Variants in ITGAE observed in about 807,000 individuals in gnomAD.
ITGAE encodes integrin alpha-E.
A neutral mutation model predicts 136.5 loss-of-function variants in ITGAE; 99 were observed. That is an observed-to-expected ratio of 0.73 (90% CI 0.62 to 0.86). The LOEUF (loss-of-function observed/expected upper bound fraction) is 0.86. Among genes scored for constraint, ITGAE ranks in the 40% least tolerant of loss-of-function variants. The probability of loss-of-function intolerance (pLI) is 0.00; values close to 1 mark genes in which losing one functional copy is unlikely to be tolerated. For missense variants in ITGAE, 1,447 were observed against 1,515.3 expected, an observed-to-expected ratio of 0.95 and a Z score of 0.75; for synonymous variants, 613 against 591.8, an observed-to-expected ratio of 1.04 and a Z score of -0.52.
chr17:3,758,576 C>A (rs949806789), intron 8 of ITGAE, among the ~76,000 whole-genome samples: 8 of 152,054 alleles, frequency 5.3e-5, no homozygotes, highest in Admixed American at 5.2e-4. Context: ...CCTCAGCCTC[C>A]CGAGTAGCTG....
rs2053170794 is a variant in ITGAE, at chr17:3,798,304, G to C, written c.34+2807C>G. Among the ~76,000 whole-genome samples the C allele has an allele frequency of 6.6e-6, 1 of 152,154 alleles. No homozygotes were observed. Among genetic ancestry groups the C allele is most frequent in the Non-Finnish European group, 1.5e-5 (1 of 68,012 alleles). ...TCTTCACACAGGGGCTGGGATAGGG[G>C]TGGCCTCGCCTCTGCCCGCACCTCC... is the stretch of plus-strand genomic sequence containing the variant. On this transcript the variant is annotated intron_variant, in intron 1 of 30. Transcript: ENST00000263087. The surrounding 1 kb of genome is among the most constrained non-coding windows in gnomAD (Gnocchi z 4.3).
In ITGAE at chr17:3,759,582, G is replaced by T. The variant is rs566430102; in HGVS notation, c.715-29C>A. On this transcript the variant is annotated intron_variant, in intron 7 of 30. Coordinates refer to ENST00000263087, the MANE Select transcript of ITGAE (RefSeq NM_002208.5). Reference sequence around the variant, plus strand: ...CAGGGGATGGGCAGGAGGGCAGGAGGTTGGAAGAATTGCCACCTCTGCCCC... The same window carrying T: ...CAGGGGATGGGCAGGAGGGCAGGAGTTTGGAAGAATTGCCACCTCTGCCCC... 9.4e-6 allele frequency: 15 copies of T among 1,595,192 alleles called. No individual in the cohort carries two copies. The East Asian group carries it at 2.9e-4, about 31-fold the overall frequency.
At chr17:3,741,615 A>G (rs2051590828) in intron 19 of ITGAE, among the ~76,000 whole-genome samples, 1 of 152,194 alleles carries the variant, frequency 6.6e-6, no homozygotes, top group Non-Finnish European at 1.5e-5. Flanking sequence ...AAAGACACAT[A>G]AAGAGATGTT....
chr17:3,737,919 A>C (rs138577538), intron 20 of ITGAE, among the ~76,000 whole-genome samples: 205 of 152,320 alleles, frequency 1.3e-3, no homozygotes, highest in African/African-American at 4.7e-3. Flanking sequence ...TACTACCCCC[A>C]GTAGCTGGCT....
At chr17:3,792,275 C>T (rs1285678046) in intron 1 of ITGAE, among the ~76,000 whole-genome samples, 2 of 152,132 alleles carry the variant, frequency 1.3e-5, no homozygotes, top group Admixed American at 1.3e-4. Flanking sequence ...GCACGCACCA[C>T]CACACCTGGA....
At chr17:3,796,121 CTG>C (rs72002948) in intron 1 of ITGAE, among the ~76,000 whole-genome samples, 1 of 131,622 alleles carries the variant, frequency 7.6e-6, no homozygotes, top group South Asian at 2.5e-4. Context: ...GTGTGCATCC[CTG>C]TGTGTGCATC....
Position 3,734,811 on chromosome 17 carries a change from A to T in ITGAE, c.2655+6T>A, listed in dbSNP as rs1365434898. 5 of 1,614,034 alleles carry T rather than the reference A, an allele frequency of 3.1e-6. No individual in the cohort carries two copies. The African/African-American group carries it at 5.3e-5, about 17-fold the overall frequency. ...GACCTGTTTCCACAGCCACCGTCAC[A>T]GTCACCTTTTGCATCCTCTTCAACT... is the stretch of plus-strand genomic sequence containing the variant. On this transcript the variant is annotated splice_donor_region_variant and intron_variant, in intron 21 of 30. Coordinates refer to ENST00000263087, the MANE Select transcript of ITGAE (RefSeq NM_002208.5).
rs375457129 is a variant in ITGAE at position 3,732,287 on chromosome 17, G to A, written c.2754+81C>T. The A allele has an allele frequency of 4.1e-4, 437 of 1,055,110 alleles. 2 individuals are homozygous for A. The South Asian group carries it at 5.3e-3, about 13-fold the overall frequency. 65.4% of individuals were successfully genotyped at this position (1,055,110 alleles called of 1,614,324 possible). A position where few individuals can be genotyped will look rare whatever the true frequency, so the allele number is the denominator to read the frequency against. Reference sequence around the variant, plus strand: ...TCAAGCGAAGCGCAAAGCTGGAACCGAGAGATTGAGATGAGACCAAGATGC... The same window carrying A: ...TCAAGCGAAGCGCAAAGCTGGAACCAAGAGATTGAGATGAGACCAAGATGC... On this transcript the variant is annotated intron_variant, in intron 22 of 30. Coordinates refer to ENST00000263087, the MANE Select transcript of ITGAE (RefSeq NM_002208.5).
At chr17:3,761,763 G>A in intron 4 of ITGAE, 152 bp downstream of exon 4, 1 of 730,318 alleles carries the variant, frequency 1.4e-6, no homozygotes, top group Non-Finnish European at 2.3e-6. Context: ...GGTGGTCAGA[G>A]CTACAGTCAG....
In ITGAE at chr17:3,757,813, T is replaced by G. The variant is rs773388218; in HGVS notation, c.913A>C (p.Lys305Gln). Residue 305 changes from lysine to glutamine, a missense_variant, in exon 9 of 31, where the codon AAG (lysine) becomes CAG (glutamine). By Grantham distance (53) the Lys-to-Gln change is moderately conservative (BLOSUM62 1). Coordinates refer to ENST00000263087, the MANE Select transcript of ITGAE (RefSeq NM_002208.5). ...CCATCGGTGAGCACCACCATGACCT[T>G]GGATGCCTTTCTCCTGGAGCCGTGG... Reference protein sequence around the residue: ...SSHGSRRKASKVMVVLTDGGI... With the variant: ...SSHGSRRKASQVMVVLTDGGI... The G allele has an allele frequency of 2.5e-6, 4 of 1,614,084 alleles. No individual in the cohort carries two copies. The South Asian group carries it at 4.4e-5, about 18-fold the overall frequency.
intron 2 of ITGAE, among the ~76,000 whole-genome samples, chr17:3,766,325 G>A (rs534066444): frequency 2.0e-5 from 3 of 152,212 alleles, no homozygotes; most frequent in South Asian, 2.1e-4. Context: ...AATCAGAGTC[G>A]GAGAAAGTTG....
At chr17:3,717,906 G>A (rs2050972864) in intron 29 of ITGAE, 1 of 152,242 alleles carries the variant, frequency 6.6e-6, no homozygotes. Context: ...AAGACCCTGG[G>A]TTTGGGAAGT....
chr17:3,736,838 G>C (rs183336654), intron 20 of ITGAE, among the ~76,000 whole-genome samples: 81 of 151,882 alleles, frequency 5.3e-4, no homozygotes, highest in African/African-American at 2.0e-3. Flanking sequence ...ACCACGCCCG[G>C]CCTAGGAAGT....
intron 16 of ITGAE, among the ~76,000 whole-genome samples, chr17:3,748,340 A>G (rs2051772086): frequency 6.6e-6 from 1 of 152,176 alleles, no homozygotes; most frequent in African/African-American, 2.4e-5. Context: ...TAATCCCAGC[A>G]CTTGGGAGGC....
chr17:3,760,837 G>A (rs570592708), intron 6 of ITGAE, among the ~76,000 whole-genome samples, 176 bp downstream of exon 6: 1 of 152,084 alleles, frequency 6.6e-6, no homozygotes, highest in East Asian at 1.9e-4. Context: ...ACCACTCTCT[G>A]AGCCTCAGTT....
chr17:3,785,059 G>A (rs1003459630), intron 1 of ITGAE, among the ~76,000 whole-genome samples: 2 of 152,164 alleles, frequency 1.3e-5, no homozygotes, highest in African/African-American at 2.4e-5. Context: ...GGCTGAGGTG[G>A]GAGGACTGCT....
chr17:3,722,082 G>C (rs1183385733), intron 28 of ITGAE, among the ~76,000 whole-genome samples: 1 of 152,212 alleles, frequency 6.6e-6, no homozygotes, highest in Non-Finnish European at 1.5e-5. Context: ...GGGAGGCTGA[G>C]GCAGGAGAAT....
At chr17:3,727,556 C>T (rs933060480) in intron 26 of ITGAE, among the ~76,000 whole-genome samples, 8 of 152,076 alleles carry the variant, frequency 5.3e-5, no homozygotes, top group African/African-American at 1.9e-4. Flanking sequence ...CCCGCCACCA[C>T]GCCCGGAGAA....
intron 2 of ITGAE, among the ~76,000 whole-genome samples, chr17:3,773,512 G>A (rs1033553702): frequency 6.7e-6 from 1 of 150,040 alleles, no homozygotes; most frequent in East Asian, 2.0e-4. Flanking sequence ...TATTACAAAG[G>A]ATACAGATGA....
Sources: allele counts gnomAD v4.1 joint callset (sites outside exome capture counted in the v4.1 genomes callset), GRCh38; gene constraint gnomAD v4.1.1; non-coding constraint Gnocchi (gnomAD v3.1); transcripts MANE v1.5; gene names NCBI Gene and HGNC (gene_info 2026-07-23, HGNC 2026-07-21).